PRMT7: variants seen among roughly 807,000 people sequenced by gnomAD.
PRMT7 encodes protein arginine methyltransferase 7.
Under a neutral mutation model 85.4 loss-of-function variants are expected in PRMT7, and 75 were observed. The observed-to-expected ratio is 0.88, with a 90% confidence interval of 0.73 to 1.06. The LOEUF is 1.06. Ranked by LOEUF, PRMT7 falls within the 50% of genes least tolerant of loss-of-function variation. The pLI is 0.00. For missense variants in PRMT7, 868 were observed against 915.2 expected (o/e 0.95, Z 0.67); for synonymous variants, 397 against 359.5 (o/e 1.10, Z -1.18).
intron 9 of PRMT7, among the ~76,000 whole-genome samples, chr16:68,343,448 A>G (rs1409636377): frequency 6.6e-6 from 1 of 152,032 alleles, no homozygotes; most frequent in African/African-American, 2.4e-5. Context: ...TTGGATTGGA[A>G]ATTTGAAAGC....
At chr16:68,344,933 TACAC>T (rs368385265) in intron 9 of PRMT7, among the ~76,000 whole-genome samples, 2 of 131,118 alleles carry the variant, frequency 1.5e-5, no homozygotes, top group African/African-American at 6.0e-5. Flanking sequence ...CCTGCATCTC[TACAC>T]ACACACACAC....
At chr16:68,358,746 A>T (rs975770293), downstream of PRMT7, 3 of 152,456 alleles carry the variant, frequency 2.0e-5, no homozygotes, top group African/African-American at 7.2e-5. Context: ...GCAGGAACAG[A>T]GTCTTGGTAT....
intron 14 of PRMT7, among the ~76,000 whole-genome samples, 161 bp downstream of exon 14, chr16:68,348,592 T>C (rs1375384549): frequency 6.6e-6 from 1 of 150,622 alleles, no homozygotes; most frequent in African/African-American, 2.4e-5. Context: ...GTGGTGAAGC[T>C]TTCATGGAGC....
In PRMT7 at chr16:68,352,703, C is replaced by G. The variant is rs1315278917; in HGVS notation, c.1575+294C>G. On this transcript the variant is annotated intron_variant, in intron 15 of 18. Transcript: ENST00000441236. ...CGTTTCAGAAGCCATGCCGTGTGGC[C>G]TGCTCTGCTCTCATTAATAGCCGAG... is the stretch of plus-strand genomic sequence containing the variant. 2.6e-5 allele frequency: 6 copies of G among 233,436 alleles called. No homozygotes were observed. In the Admixed American group the frequency reaches 3.3e-4, roughly 13 times the overall value. The allele number at this position is 233,436 out of a possible 1,614,324, so 14.5% of individuals were successfully genotyped here. A position where few individuals can be genotyped will look rare whatever the true frequency, so the allele number is the denominator to read the frequency against.
At chr16:68,332,891 T>C (rs1304118379) in intron 6 of PRMT7, among the ~76,000 whole-genome samples, 3 of 152,226 alleles carry the variant, frequency 2.0e-5, no homozygotes, top group Admixed American at 6.5e-5. Flanking sequence ...GCTCAACATC[T>C]GAAAACACTT....
rs200195216 is a variant in PRMT7 at position 68,337,521 on chromosome 16, G to A, written c.454G>A (p.Gly152Arg). 3.7e-6 allele frequency: 6 copies of A among 1,611,780 alleles called. No individual in the cohort carries two copies. Among genetic ancestry groups the A allele is most frequent in the Middle Eastern group, 1.7e-4 (1 of 6,054 alleles). ...AGAGTTGTTTGACACAGAGCTGATC[G>A]GGGAGGGGGCGCTGCCCTCCTATGA... ...VTELFDTELIGEGALPSYEHA... is the reference protein window; with the variant it reads ...VTELFDTELIREGALPSYEHA... The change falls in exon 7 of 19, where the codon GGG becomes AGG. Residue 152 changes from glycine to arginine, a missense_variant. Coordinates refer to ENST00000441236, the MANE Select transcript of PRMT7 (RefSeq NM_019023.5).
At chr16:68,325,837 A>G (rs557701512) in intron 5 of PRMT7, among the ~76,000 whole-genome samples, 5 of 152,220 alleles carry the variant, frequency 3.3e-5, no homozygotes, top group Middle Eastern at 6.8e-3. Context: ...CCCAGCCCTA[A>G]CAGATTTTGA....
intron 15 of PRMT7, 69 bp downstream of exon 15, chr16:68,352,478 G>C: frequency 6.6e-7 from 1 of 1,505,364 alleles, no homozygotes; most frequent in African/African-American, 1.4e-5. Flanking sequence ...TTTCTTGCAG[G>C]AACCTTGGGT....
chr16:68,348,525 T>G, intron 14 of PRMT7, 94 bp downstream of exon 14: 1 of 943,698 alleles, frequency 1.1e-6, no homozygotes, highest in Non-Finnish European at 1.6e-6. Flanking sequence ...CCCTGGAGTC[T>G]CACAGTGGGT....
At chr16:68,327,096 T>C (rs934257185) in intron 5 of PRMT7, among the ~76,000 whole-genome samples, 1 of 152,226 alleles carries the variant, frequency 6.6e-6, no homozygotes, top group Non-Finnish European at 1.5e-5. Flanking sequence ...TACTGCGCGC[T>C]AATCAATTGC....
intron 9 of PRMT7, among the ~76,000 whole-genome samples, chr16:68,341,348 A>T (rs2085503248): frequency 6.6e-6 from 1 of 152,166 alleles, no homozygotes; most frequent in African/African-American, 2.4e-5. Context: ...AGCCAGCCAC[A>T]CCACGTGGGG....
Position 68,345,668 on chromosome 16 carries a change from G to A in PRMT7, c.928-7G>A, listed in dbSNP as rs368841050. On this transcript the variant is annotated splice_polypyrimidine_tract_variant and splice_region_variant and intron_variant, in intron 9 of 18. Transcript: ENST00000441236. ...TCGTTGACAGCTGACTCTGTTCTCCGTTTCAGTGGCGGGACCACTGGATGC... is the reference window on the plus strand; with the variant it reads ...TCGTTGACAGCTGACTCTGTTCTCCATTTCAGTGGCGGGACCACTGGATGC... 888 of 1,613,390 alleles carry A rather than the reference G, an allele frequency of 5.5e-4. 1 individual carries two copies. Among genetic ancestry groups the A allele is most frequent in the Non-Finnish European group, 7.1e-4 (840 of 1,180,000 alleles).
downstream of PRMT7, chr16:68,359,971 A>G (rs1440202544): frequency 1.3e-5 from 2 of 152,510 alleles, no homozygotes; most frequent in Non-Finnish European, 2.9e-5. Context: ...GGCATGCAGC[A>G]ACTGTCAGCC....
At chr16:68,313,222 G>GT (rs372722944) in intron 2 of PRMT7, among the ~76,000 whole-genome samples, 3 of 150,424 alleles carry the variant, frequency 2.0e-5, no homozygotes, top group South Asian at 2.1e-4. Context: ...TTCACTATAA[G>GT]TTTTTTTTTT....
In PRMT7 at chr16:68,345,695, G is replaced by T. The variant is rs1385694534; in HGVS notation, c.948G>T (p.Gln316His). The change falls in exon 10 of 19, where the codon CAG becomes CAT. Residue 316 changes from glutamine to histidine, a missense_variant. By Grantham distance (24) the Gln-to-His change is conservative. Coordinates refer to ENST00000441236, the MANE Select transcript of PRMT7 (RefSeq NM_019023.5). The part of the protein sequence containing the change: ...EEMQWRDHWM[Q>H]CVYFLPQEEP... ...TTCAGTGGCGGGACCACTGGATGCA[G>T]TGTGTGTACTTCCTGCCACAAGAGG... 6.2e-7 allele frequency: 1 copy of T among 1,613,038 alleles called. No homozygotes were observed.
intron 14 of PRMT7, among the ~76,000 whole-genome samples, chr16:68,350,973 G>A (rs1597465813): frequency 6.6e-6 from 1 of 152,326 alleles, no homozygotes; most frequent in Non-Finnish European, 1.5e-5. Context: ...TCAGCTGATG[G>A]ACATTTGGGT....
At chr16:68,335,717 C>T (rs912041154) in intron 6 of PRMT7, among the ~76,000 whole-genome samples, 5 of 151,678 alleles carry the variant, frequency 3.3e-5, no homozygotes, top group African/African-American at 9.7e-5. Context: ...CCAGGCCAGG[C>T]TCCAGCCTCG....
intron 16 of PRMT7, among the ~76,000 whole-genome samples, chr16:68,353,784 C>T (rs1053748424): frequency 2.0e-5 from 3 of 152,228 alleles, no homozygotes; most frequent in Non-Finnish European, 2.9e-5. Flanking sequence ...GCCTGCACGT[C>T]CTGTCATTGC....
At chr16:68,332,729 T>G (rs2084075511) in intron 6 of PRMT7, among the ~76,000 whole-genome samples, 1 of 152,196 alleles carries the variant, frequency 6.6e-6, no homozygotes, top group Admixed American at 6.5e-5. Flanking sequence ...TGAACTCGTT[T>G]CCTGTCTGTT....
Sources: allele counts gnomAD v4.1 joint callset (sites outside exome capture counted in the v4.1 genomes callset), GRCh38; gene constraint gnomAD v4.1.1; transcripts MANE v1.5; gene names NCBI Gene and HGNC (gene_info 2026-07-23, HGNC 2026-07-21).